Variants in RNF150 observed in about 807,000 individuals in gnomAD.
The protein encoded by RNF150 is ring finger protein 150.
In RNF150, 24 loss-of-function variants were observed where a neutral mutation model predicts 39.3. The ratio of observed to expected loss-of-function variants is 0.61; its 90% CI spans 0.44 to 0.86. RNF150 has a LOEUF of 0.86. RNF150 is among the 40% of genes least tolerant of loss of function. The probability of loss-of-function intolerance (pLI) is 0.00; values close to 1 mark genes in which losing one functional copy is unlikely to be tolerated. For missense variants in RNF150, 502 were observed against 587.8 expected (o/e 0.85, Z 1.51); for synonymous variants, 255 against 227.3 (o/e 1.12, Z -1.10).
intron 1 of RNF150, among the ~76,000 whole-genome samples, chr4:141,210,645 G>A (rs1210592844): frequency 6.6e-6 from 1 of 151,762 alleles, no homozygotes; most frequent in Non-Finnish European, 1.5e-5. Flanking sequence ...TGGCCCCATT[G>A]TTTTTTTTAA....
At chr4:140,952,308 G>T (rs116811190) in intron 2 of RNF150, among the ~76,000 whole-genome samples, 1 of 152,120 alleles carries the variant, frequency 6.6e-6, no homozygotes, top group African/African-American at 2.4e-5. Flanking sequence ...CACAGCGCCC[G>T]ACCAGGGAGC....
intron 2 of RNF150, among the ~76,000 whole-genome samples, chr4:140,956,693 G>A (rs1732768924): frequency 6.6e-6 from 1 of 152,100 alleles, no homozygotes; most frequent in Non-Finnish European, 1.5e-5. Flanking sequence ...CATGGTACTG[G>A]TACCAAAACA....
intron 1 of RNF150, among the ~76,000 whole-genome samples, chr4:141,032,038 A>C (rs1384222645): frequency 6.6e-6 from 1 of 151,940 alleles, no homozygotes; most frequent in African/African-American, 2.4e-5. Context: ...ACACACATAT[A>C]TATATAAACA....
chr4:141,060,526 T>C (rs1022433169), intron 1 of RNF150, among the ~76,000 whole-genome samples: 109 of 152,184 alleles, frequency 7.2e-4, no homozygotes, highest in African/African-American at 2.6e-3. Context: ...TGGTGGATAA[T>C]AGTCAAATAT....
At chr4:140,929,080 G>A (rs6847373) in intron 4 of RNF150, among the ~76,000 whole-genome samples, 152,152 of 152,294 alleles carry the variant, frequency 1, 76,005 homozygotes, top group Non-Finnish European at 1. Flanking sequence ...AAAGGCAAAC[G>A]CTCTGGTCCT....
chr4:141,074,852 T>G (rs3851430), intron 1 of RNF150, among the ~76,000 whole-genome samples: 114,969 of 152,106 alleles, frequency 0.76, 44,950 homozygotes, highest in Non-Finnish European at 0.87. Flanking sequence ...AGCCATTAGG[T>G]TTATCCAGTT....
chr4:141,176,673 T>C (rs1255479631), intron 1 of RNF150, among the ~76,000 whole-genome samples: 2 of 152,218 alleles, frequency 1.3e-5, no homozygotes, highest in Non-Finnish European at 2.9e-5. Flanking sequence ...ATTTGATGCC[T>C]TGTGCTCTCA....
intron 1 of RNF150, among the ~76,000 whole-genome samples, chr4:141,078,744 C>T (rs1167781515): frequency 4.7e-4 from 64 of 136,100 alleles, no homozygotes; most frequent in African/African-American, 1.6e-3. Context: ...GAGCCGAGAT[C>T]GTGCCACTGC....
In RNF150 at chr4:141,113,294, G is replaced by A. The variant is rs1160888492; in HGVS notation, c.484+19031C>T. ...ATCTCATGTGCGAAGACACACAGAG[G>A]CTCAAAATAAAGGGAGGGAGGAATA... On this transcript the variant is annotated intron_variant, in intron 1 of 6. Transcript: ENST00000515673. 6.0e-5 allele frequency among the ~76,000 whole-genome samples: 9 copies of A among 150,004 alleles called. No individual in the cohort carries two copies. The Admixed American group carries it at 6.0e-4, about 10-fold the overall frequency.
At chr4:141,103,569 T>G (rs1294419149) in intron 1 of RNF150, among the ~76,000 whole-genome samples, 2 of 152,152 alleles carry the variant, frequency 1.3e-5, no homozygotes, top group African/African-American at 4.8e-5. Flanking sequence ...TCTAAGACTG[T>G]AGTTTTTAAA....
At chr4:141,104,853 T>G (rs141459711) in intron 1 of RNF150, among the ~76,000 whole-genome samples, 1 of 152,316 alleles carries the variant, frequency 6.6e-6, no homozygotes, top group African/African-American at 2.4e-5. Context: ...AAGACCTGAA[T>G]AGAGATTTTG....
chr4:140,937,923 G>A (rs570224735), intron 4 of RNF150, among the ~76,000 whole-genome samples: 10 of 151,962 alleles, frequency 6.6e-5, no homozygotes, highest in East Asian at 1.9e-4. Context: ...AATTTCTGTC[G>A]CTCTTTTCAA....
At chr4:141,118,092 A>G (rs1025798969) in intron 1 of RNF150, among the ~76,000 whole-genome samples, 17 of 152,124 alleles carry the variant, frequency 1.1e-4, no homozygotes, top group African/African-American at 4.1e-4. Context: ...TCATTTGGTC[A>G]TCTCACTTAA....
intron 1 of RNF150, among the ~76,000 whole-genome samples, chr4:141,126,860 GTGAC>G (rs1726768138): frequency 6.6e-6 from 1 of 152,142 alleles, no homozygotes; most frequent in African/African-American, 2.4e-5. Flanking sequence ...AAGAGAAAAA[GTGAC>G]TGACTCAAAG....
intron 2 of RNF150, among the ~76,000 whole-genome samples, chr4:140,966,552 G>C (rs985828608): frequency 2.6e-5 from 4 of 152,036 alleles, no homozygotes; most frequent in Admixed American, 2.6e-4. Context: ...AATAATAAAA[G>C]TAGTTACTTC....
rs996218670 is a variant in RNF150, at chr4:141,132,075, G to A, written c.484+250C>T. Among the ~76,000 whole-genome samples, 7 of 152,126 alleles carry A rather than the reference G, an allele frequency of 4.6e-5. No individual in the cohort carries two copies. The highest frequency in any genetic ancestry group is 1.3e-4 in the Admixed American group (2 of 15,274). ...CCCCTCGGAAAAGTTAGCCCGCCAC[G>A]TTGAACCCCTGTCCAAGCGGCGCTA... On this transcript the variant is annotated intron_variant, in intron 1 of 6. Coordinates refer to ENST00000515673, the MANE Select transcript of RNF150 (RefSeq NM_020724.2). The surrounding 1 kb of genome is among the most constrained non-coding windows in gnomAD (Gnocchi z 4.9).
chr4:141,089,107 A>G (rs569571240), intron 1 of RNF150, among the ~76,000 whole-genome samples: 2 of 152,316 alleles, frequency 1.3e-5, no homozygotes, highest in African/African-American at 4.8e-5. Context: ...GCAAAGGAAG[A>G]AAAGCTAGTT....
At chr4:141,125,880 C>T (rs958959912) in intron 1 of RNF150, among the ~76,000 whole-genome samples, 17 of 152,130 alleles carry the variant, frequency 1.1e-4, no homozygotes, top group African/African-American at 4.1e-4. Context: ...AGGTAAGTTT[C>T]CTTCCCAATC....
At chr4:141,139,896 A>C (rs1727090183) in intron 1 of RNF150, among the ~76,000 whole-genome samples, 1 of 152,184 alleles carries the variant, frequency 6.6e-6, no homozygotes, top group South Asian at 2.1e-4. Flanking sequence ...TTTGTCTCAG[A>C]TATTCATCAT....
Sources: gnomAD v4.1 joint callset for allele counts (sites outside exome capture counted in the v4.1 genomes callset) on GRCh38, gnomAD v4.1.1 for gene constraint, Gnocchi (gnomAD v3.1) non-coding constraint, MANE v1.5 for transcripts, NCBI Gene and HGNC (gene_info 2026-07-23, HGNC 2026-07-21) for gene names.